RBMS3: variants seen among roughly 807,000 people sequenced by gnomAD.
The protein encoded by RBMS3 is RNA binding motif single stranded interacting protein 3.
RBMS3 carries 27 observed loss-of-function variants against 66.8 expected under a neutral mutation model. The observed-to-expected ratio is 0.40, with a 90% confidence interval of 0.30 to 0.56. RBMS3 has a LOEUF of 0.56. RBMS3 is among the 20% of genes least tolerant of loss of function. RBMS3 has a pLI of 0.40. For missense variants in RBMS3, 513 were observed against 549.5 expected (o/e 0.93, Z 0.66); for synonymous variants, 188 against 183.0 (o/e 1.03, Z -0.22).
chr3:29,784,127 T>G (rs138826044), intron 6 of RBMS3, among the ~76,000 whole-genome samples: 1 of 152,050 alleles, frequency 6.6e-6, no homozygotes, highest in Admixed American at 6.6e-5. Context: ...CTGACAGCAC[T>G]AGACAGGTCA....
chr3:29,881,453 T>C (rs1248758327), intron 7 of RBMS3, among the ~76,000 whole-genome samples: 1 of 152,166 alleles, frequency 6.6e-6, no homozygotes, highest in African/African-American at 2.4e-5. Context: ...CATTTAAAAA[T>C]TGAGGAAACT....
At chr3:29,485,513 A>G (rs914707471) in intron 2 of RBMS3, among the ~76,000 whole-genome samples, 1 of 152,178 alleles carries the variant, frequency 6.6e-6, no homozygotes, top group Non-Finnish European at 1.5e-5. Flanking sequence ...GTTGGTGAAT[A>G]TGTAGGTATG....
At position 29,369,504 on chromosome 3, in the gene RBMS3, A is replaced by G. The variant is rs965900421; in HGVS notation, c.76-65239A>G. Among the ~76,000 whole-genome samples the G allele has an allele frequency of 9.4e-5, 14 of 149,466 alleles. No homozygotes were observed. The East Asian group carries it at 2.8e-3, about 30-fold the overall frequency. ...CACTCCTTAACACACACACACACAC[A>G]CACACACACACACACACACACACAC... On this transcript the variant is annotated intron_variant, in intron 1 of 14. Transcript: ENST00000383767.
intron 7 of RBMS3, among the ~76,000 whole-genome samples, chr3:29,871,196 C>A (rs2059483203): frequency 6.6e-6 from 1 of 152,116 alleles, no homozygotes; most frequent in African/African-American, 2.4e-5. Flanking sequence ...GTTTTCCACA[C>A]TTTAAAGCTT....
intron 3 of RBMS3, among the ~76,000 whole-genome samples, chr3:29,537,902 C>T (rs1217969812): frequency 6.6e-6 from 1 of 151,550 alleles, no homozygotes; most frequent in Non-Finnish European, 1.5e-5. Context: ...TTCATCTTCA[C>T]ATTGTGAGTC....
chr3:29,956,531 T>C (rs992030640), intron 12 of RBMS3, among the ~76,000 whole-genome samples: 4 of 152,068 alleles, frequency 2.6e-5, no homozygotes, highest in Non-Finnish European at 5.9e-5. Flanking sequence ...AAGTAAGAAC[T>C]CTCCCTCAAT....
intron 1 of RBMS3, among the ~76,000 whole-genome samples, chr3:29,314,085 A>G (rs893207729): frequency 2.6e-5 from 4 of 151,648 alleles, no homozygotes; most frequent in Non-Finnish European, 5.9e-5. Context: ...GGTGATAGTA[A>G]TAGAAGTCAT....
At chr3:29,378,195 G>A (rs1352575441) in intron 1 of RBMS3, among the ~76,000 whole-genome samples, 1 of 152,090 alleles carries the variant, frequency 6.6e-6, no homozygotes, top group African/African-American at 2.4e-5. Flanking sequence ...ATTTCAGGCC[G>A]GGCACGGTGG....
chr3:29,869,987 T>C (rs945141480), intron 7 of RBMS3, among the ~76,000 whole-genome samples: 2 of 152,164 alleles, frequency 1.3e-5, no homozygotes, highest in Non-Finnish European at 2.9e-5. Flanking sequence ...CTAAGACCAT[T>C]GTTTGCTTTG....
rs1699749242 is a variant in RBMS3 at position 30,004,604 on chromosome 3, G to A, written c.*742G>A. ...TGTTGATAAACCATGGCAACTGCAA[G>A]AATTGGAAAAATGCTGGGACTTTTC... On this transcript the variant is annotated 3_prime_UTR_variant, in exon 15 of 15. Coordinates refer to ENST00000383767, the MANE Select transcript of RBMS3 (RefSeq NM_001003793.3). 1 of 152,146 alleles carries A rather than the reference G, an allele frequency of 6.6e-6. No homozygotes were observed. The allele number at this position is 152,146 out of a possible 1,614,324, so 9.4% of individuals were successfully genotyped here.
chr3:29,942,826 G>A (rs894817997), intron 11 of RBMS3, among the ~76,000 whole-genome samples: 1 of 143,972 alleles, frequency 6.9e-6, no homozygotes, highest in Non-Finnish European at 1.5e-5. Context: ...TTTTTTTTTG[G>A]TTTGGAGTGG....
intron 4 of RBMS3, among the ~76,000 whole-genome samples, chr3:29,676,584 A>T (rs914858018): frequency 7.9e-5 from 12 of 152,152 alleles, no homozygotes; most frequent in Non-Finnish European, 1.6e-4. Context: ...TGTTCACTTT[A>T]GTTCTGTATT....
intron 1 of RBMS3, among the ~76,000 whole-genome samples, chr3:29,350,533 T>A (rs2036847260): frequency 6.6e-6 from 1 of 152,146 alleles, no homozygotes; most frequent in Non-Finnish European, 1.5e-5. Context: ...GCCCTAAGCA[T>A]CTCATGTATG....
chr3:29,442,849 C>T (rs2041677353), intron 2 of RBMS3, among the ~76,000 whole-genome samples: 2 of 152,228 alleles, frequency 1.3e-5, no homozygotes, highest in Non-Finnish European at 1.5e-5. Flanking sequence ...TGGATTTCCT[C>T]TTACCTTTTG....
intron 12 of RBMS3, among the ~76,000 whole-genome samples, chr3:29,979,283 G>T (rs1697815868): frequency 1.3e-5 from 2 of 152,210 alleles, no homozygotes; most frequent in Admixed American, 1.3e-4. Flanking sequence ...GCTCTGAAGA[G>T]AAGTTGATTG....
At chr3:29,906,671 A>G (rs958378198) in intron 10 of RBMS3, among the ~76,000 whole-genome samples, 2 of 152,138 alleles carry the variant, frequency 1.3e-5, no homozygotes, top group Non-Finnish European at 1.5e-5. Context: ...GTTCAAAAGT[A>G]TTGCTGAAAT....
intron 5 of RBMS3, among the ~76,000 whole-genome samples, chr3:29,741,040 C>CAAA (rs369719098): frequency 5.5e-5 from 5 of 90,910 alleles, no homozygotes; most frequent in African/African-American, 1.9e-4. Context: ...GACTCCATCT[C>CAAA]AAAAAAAAAA....
intron 2 of RBMS3, among the ~76,000 whole-genome samples, chr3:29,479,631 A>G (rs1269391855): frequency 2.0e-5 from 3 of 152,340 alleles, no homozygotes; most frequent in African/African-American, 7.2e-5. Context: ...AAGTCAAAAC[A>G]TGGAATTTAG....
chr3:29,445,515 A>C (rs1168494472), intron 2 of RBMS3, among the ~76,000 whole-genome samples: 2 of 151,958 alleles, frequency 1.3e-5, no homozygotes, highest in Non-Finnish European at 2.9e-5. Context: ...TAATTTAAGT[A>C]AGTTGGACTC....
Sources: allele counts gnomAD v4.1 joint callset (sites outside exome capture counted in the v4.1 genomes callset), GRCh38; gene constraint gnomAD v4.1.1; transcripts MANE v1.5; gene names NCBI Gene and HGNC (gene_info 2026-07-23, HGNC 2026-07-21).